The following SLC35D4 variants were observed in gnomAD, a reference collection of about 807,000 sequenced individuals.
SLC35D4 encodes solute carrier family 35 member D4.
the SLC35D4 span, among the ~76,000 whole-genome samples, chr18:23,289,257 A>C: frequency 6.6e-6 from 1 of 152,206 alleles, no homozygotes; most frequent in South Asian, 2.1e-4. Flanking sequence ...GTAAATAAAT[A>C]ATCTTTGCTG....
the SLC35D4 span, among the ~76,000 whole-genome samples, chr18:23,281,943 G>A: frequency 1.5e-4 from 23 of 152,322 alleles, no homozygotes; most frequent in Admixed American, 1.2e-3. Flanking sequence ...ATAAATGAAC[G>A]GCTGATTGTA....
chr18:23,329,625 A>C, the SLC35D4 span, among the ~76,000 whole-genome samples: 1 of 152,232 alleles, frequency 6.6e-6, no homozygotes, highest in Non-Finnish European at 1.5e-5. Context: ...AAATTAGTTC[A>C]ACCATTGTGG....
At chr18:23,334,924 T>G in the SLC35D4 span, among the ~76,000 whole-genome samples, 4 of 151,804 alleles carry the variant, frequency 2.6e-5, no homozygotes, top group Non-Finnish European at 5.9e-5. Flanking sequence ...GAGAATTGCT[T>G]GAACTGGGAG....
the SLC35D4 span, among the ~76,000 whole-genome samples, chr18:23,386,852 G>C: frequency 6.6e-6 from 1 of 152,142 alleles, no homozygotes; most frequent in Non-Finnish European, 1.5e-5. Flanking sequence ...CTAATGGATA[G>C]GTAGCCTTGA....
the SLC35D4 span, among the ~76,000 whole-genome samples, chr18:23,426,780 A>G: frequency 6.6e-6 from 1 of 152,252 alleles, no homozygotes; most frequent in Admixed American, 6.5e-5. Flanking sequence ...CTACAAGGCT[A>G]CAGTAACCAA....
the SLC35D4 span, among the ~76,000 whole-genome samples, chr18:23,393,581 T>C: frequency 1.3e-5 from 2 of 152,242 alleles, no homozygotes. Flanking sequence ...AGGATTTTCT[T>C]CCTTTTTAAG....
At chr18:23,320,517 T>A in the SLC35D4 span, among the ~76,000 whole-genome samples, 2 of 152,240 alleles carry the variant, frequency 1.3e-5, no homozygotes, top group South Asian at 4.1e-4. Context: ...AGTTATGCTT[T>A]CCTGCCTATT....
chr18:23,332,498 A>G, the SLC35D4 span, among the ~76,000 whole-genome samples: 41 of 152,124 alleles, frequency 2.7e-4, no homozygotes, highest in African/African-American at 8.5e-4. Context: ...GGTATTGTCA[A>G]TTTTTTTCAC....
the SLC35D4 span, among the ~76,000 whole-genome samples, chr18:23,436,217 G>T: frequency 6.6e-6 from 1 of 151,342 alleles, no homozygotes; most frequent in Non-Finnish European, 1.5e-5. Flanking sequence ...CAGTAGAGAC[G>T]GGGTTTCGCC....
At chr18:23,386,144 A>G in the SLC35D4 span, among the ~76,000 whole-genome samples, 610 of 151,078 alleles carry the variant, frequency 4.0e-3, 3 homozygotes, top group Non-Finnish European at 6.3e-3. Context: ...AAAAAAAAAA[A>G]AAAGAAAGAA....
the SLC35D4 span, chr18:23,365,683 G>A: frequency 6.8e-6 from 11 of 1,612,928 alleles, no homozygotes; most frequent in African/African-American, 1.3e-4. Context: ...AAAAGAGACA[G>A]CAAAGTAGTC....
the SLC35D4 span, among the ~76,000 whole-genome samples, chr18:23,368,046 A>C: frequency 6.6e-6 from 1 of 152,136 alleles, no homozygotes. Context: ...ACCATATTTA[A>C]AAGTTATAAA....
the SLC35D4 span, among the ~76,000 whole-genome samples, chr18:23,373,999 T>C: frequency 6.6e-6 from 1 of 152,094 alleles, no homozygotes. Context: ...TTTCCCAGAG[T>C]CAGGCATTTA....
chr18:23,400,203 T>C, the SLC35D4 span, among the ~76,000 whole-genome samples: 6 of 152,160 alleles, frequency 3.9e-5, no homozygotes, highest in South Asian at 1.2e-3. Flanking sequence ...TTCCGAAGGG[T>C]ACATTTATTT....
chr18:23,244,113 G>A, the SLC35D4 span, among the ~76,000 whole-genome samples: 2 of 152,208 alleles, frequency 1.3e-5, no homozygotes, highest in African/African-American at 4.8e-5. Flanking sequence ...TACTGCCACT[G>A]TTTCAGCAGC....
the SLC35D4 span, among the ~76,000 whole-genome samples, chr18:23,367,470 G>A: frequency 6.6e-6 from 1 of 152,182 alleles, no homozygotes; most frequent in Non-Finnish European, 1.5e-5. Context: ...GGGGTGCTGG[G>A]GGACGGGAGG....
chr18:23,286,298 C>T, the SLC35D4 span, among the ~76,000 whole-genome samples: 143 of 152,286 alleles, frequency 9.4e-4, no homozygotes, highest in Non-Finnish European at 1.5e-3. Flanking sequence ...AGAACCGCCT[C>T]CCCCAGGAGC....
the SLC35D4 span, among the ~76,000 whole-genome samples, chr18:23,304,561 AAGAG>A: frequency 6.6e-6 from 1 of 151,254 alleles, no homozygotes; most frequent in Admixed American, 6.6e-5. Context: ...TATATATAGA[AAGAG>A]AGAGAGGGAG....
the SLC35D4 span, among the ~76,000 whole-genome samples, chr18:23,318,473 C>T: frequency 6.6e-6 from 1 of 152,112 alleles, no homozygotes; most frequent in Non-Finnish European, 1.5e-5. Context: ...TTGGTATGTG[C>T]CATGGTCATA....
Sources: gnomAD v4.1 joint callset for allele counts (sites outside exome capture counted in the v4.1 genomes callset) on GRCh38, gnomAD v4.1.1 for gene constraint, MANE v1.5 for transcripts, NCBI Gene and HGNC (gene_info 2026-07-23, HGNC 2026-07-21) for gene names.